The following VWA3B variants were observed in gnomAD, a reference collection of about 807,000 sequenced individuals.
VWA3B encodes von Willebrand factor A domain containing 3B, also known as von Willebrand factor A domain-containing protein 3B.
In VWA3B, 138 loss-of-function variants were observed where a neutral mutation model predicts 158.3. The observed-to-expected ratio is 0.87, with a 90% confidence interval of 0.76 to 1.00. The LOEUF is 1.00. Ranked by LOEUF, VWA3B falls within the 50% of genes least tolerant of loss-of-function variation. The probability of loss-of-function intolerance (pLI) is 0.00; values close to 1 mark genes in which losing one functional copy is unlikely to be tolerated. For missense variants in VWA3B, 1,555 were observed against 1,565.1 expected, an observed-to-expected ratio of 0.99 and a Z score of 0.11; for synonymous variants, 596 against 587.3, an observed-to-expected ratio of 1.01 and a Z score of -0.21.
At chr2:98,185,013 A>G (rs1409545630) in intron 9 of VWA3B, among the ~76,000 whole-genome samples, 1 of 152,128 alleles carries the variant, frequency 6.6e-6, no homozygotes, top group Non-Finnish European at 1.5e-5. Flanking sequence ...GACCCTTCCA[A>G]TACCCCAACC....
At chr2:98,262,095 C>G (rs942307227) in intron 21 of VWA3B, among the ~76,000 whole-genome samples, 1 of 151,682 alleles carries the variant, frequency 6.6e-6, no homozygotes, top group Non-Finnish European at 1.5e-5. Flanking sequence ...AATGTCTAGT[C>G]AAGCCCTTTA....
chr2:98,178,656 C>T (rs921435996), intron 8 of VWA3B, among the ~76,000 whole-genome samples: 1 of 152,208 alleles, frequency 6.6e-6, no homozygotes, highest in African/African-American at 2.4e-5. Context: ...GCCCTTTCCA[C>T]CTTAAGCCAG....
intron 1 of VWA3B, among the ~76,000 whole-genome samples, chr2:98,088,191 A>T (rs1682004393): frequency 6.6e-6 from 1 of 152,190 alleles, no homozygotes; most frequent in Non-Finnish European, 1.5e-5. Flanking sequence ...ATTCACCTAA[A>T]TCACAAGATA....
chr2:98,109,166 AT>A (rs1673933872), intron 2 of VWA3B, among the ~76,000 whole-genome samples: 1 of 151,618 alleles, frequency 6.6e-6, no homozygotes, highest in Admixed American at 6.6e-5. Flanking sequence ...CTAATTTTGT[AT>A]TTTTAGTAAA....
At chr2:98,182,832 C>T (rs896522805) in intron 9 of VWA3B, among the ~76,000 whole-genome samples, 5 of 152,106 alleles carry the variant, frequency 3.3e-5, no homozygotes, top group Admixed American at 2.0e-4. Context: ...AGGCAGAACC[C>T]GAGAGGTGGA....
Position 98,236,670 on chromosome 2 carries a change from G to T in VWA3B, c.2613G>T (p.Pro871=), listed in dbSNP as rs377277436. The T allele has an allele frequency of 2.5e-6, 4 of 1,614,072 alleles. No individual in the cohort carries two copies. The highest frequency in any genetic ancestry group is 3.4e-6 in the Non-Finnish European group (4 of 1,180,048). The part of the protein sequence containing the change: ...LMDALSVAAV[P]HSSTYVPVLD... ...ATGCCTTGTCAGTGGCAGCAGTCCC[G>T]CACAGCTCCACCTATGTTCCCGTCC... Residue 871 remains proline, a synonymous_variant, in exon 19 of 28, where the codon CCG becomes CCT. Coordinates refer to ENST00000477737, the MANE Select transcript of VWA3B (RefSeq NM_144992.5).
chr2:98,324,146 A>G, the VWA3B span, among the ~76,000 whole-genome samples: 9 of 152,120 alleles, frequency 5.9e-5, no homozygotes, highest in East Asian at 1.2e-3. Context: ...TTTGTGCATA[A>G]ACTTGGCCCA....
chr2:98,129,370 G>A (rs1429121253), intron 6 of VWA3B, among the ~76,000 whole-genome samples: 1 of 151,884 alleles, frequency 6.6e-6, no homozygotes, highest in Non-Finnish European at 1.5e-5. Flanking sequence ...GAGACAGAGA[G>A]ACAGAGAGTG....
At chr2:98,238,001 A>G (rs1032121617) in intron 19 of VWA3B, among the ~76,000 whole-genome samples, 3 of 152,206 alleles carry the variant, frequency 2.0e-5, no homozygotes, top group Non-Finnish European at 2.9e-5. Flanking sequence ...GAAATTTTCC[A>G]TAAAAAGAAG....
rs948268568 is a variant in VWA3B, at chr2:98,312,321, G to A, written c.3857G>A (p.Gly1286Glu). 6.2e-7 allele frequency: 1 copy of A among 1,613,654 alleles called. No homozygotes were observed. Among genetic ancestry groups the A allele is most frequent in the South Asian group, 1.1e-5 (1 of 91,048 alleles). Residue 1286 changes from glycine to glutamate, a missense_variant, in exon 28 of 28, where the codon GGG (glycine) becomes GAG (glutamate). Coordinates refer to ENST00000477737, the MANE Select transcript of VWA3B (RefSeq NM_144992.5). ...CTCCAAGCCACCCACAGCAGCAAAG[G>A]GCTGAGGAGCGTCCCTGAGACACTT... ...CTLQATHSSK[G>E]LRSVPETL
chr2:98,306,203 A>G (rs1033287977), intron 26 of VWA3B, among the ~76,000 whole-genome samples: 13 of 151,246 alleles, frequency 8.6e-5, no homozygotes, highest in African/African-American at 3.2e-4. Context: ...TAGCCCCCCC[A>G]GGTAGTGAGG....
At chr2:98,195,607 G>A (rs1001093611) in intron 12 of VWA3B, among the ~76,000 whole-genome samples, 2 of 151,000 alleles carry the variant, frequency 1.3e-5, no homozygotes, top group African/African-American at 4.9e-5. Flanking sequence ...GTCCTTTTAT[G>A]ACACAATAAT....
intron 24 of VWA3B, among the ~76,000 whole-genome samples, chr2:98,299,835 T>C (rs905972766): frequency 5.3e-5 from 8 of 152,218 alleles, no homozygotes; most frequent in East Asian, 1.9e-4. Context: ...GGCAGACCCT[T>C]GGGTCCTTGT....
chr2:98,213,836 T>TA (rs1220234082), intron 13 of VWA3B, among the ~76,000 whole-genome samples: 2 of 152,156 alleles, frequency 1.3e-5, no homozygotes, highest in African/African-American at 4.8e-5. Context: ...AATATACTCT[T>TA]ACTGATTTTT....
At chr2:98,218,826 A>G (rs80146695) in intron 14 of VWA3B, among the ~76,000 whole-genome samples, 7,197 of 152,292 alleles carry the variant, frequency 0.047, 256 homozygotes, top group Middle Eastern at 0.082. Context: ...CATCCAAAAA[A>G]CATTGGAGGG....
chr2:98,196,664 C>T (rs1440953636), intron 12 of VWA3B, among the ~76,000 whole-genome samples: 5 of 152,228 alleles, frequency 3.3e-5, no homozygotes, highest in Middle Eastern at 3.4e-3. Context: ...CATGTTTCCC[C>T]GGGCTCTCTC....
intron 2 of VWA3B, among the ~76,000 whole-genome samples, chr2:98,098,446 CCT>C (rs777006865): frequency 2.6e-4 from 39 of 151,758 alleles, no homozygotes; most frequent in Non-Finnish European, 4.6e-4. Flanking sequence ...TGAATTGACC[CCT>C]TTTTGATTAT....
intron 9 of VWA3B, among the ~76,000 whole-genome samples, chr2:98,186,499 T>TC (rs1681070864): frequency 6.6e-6 from 1 of 152,116 alleles, no homozygotes; most frequent in Non-Finnish European, 1.5e-5. Context: ...TCTCGATCTT[T>TC]CCCATTCAAA....
the VWA3B span, among the ~76,000 whole-genome samples, chr2:98,327,061 G>A: frequency 3.2e-4 from 48 of 151,694 alleles, no homozygotes; most frequent in Admixed American, 2.0e-3. Context: ...TTGGGAAGCC[G>A]AGCCAGGCAG....
Sources: gnomAD v4.1 joint callset for allele counts (sites outside exome capture counted in the v4.1 genomes callset) on GRCh38, gnomAD v4.1.1 for gene constraint, MANE v1.5 for transcripts, NCBI Gene and HGNC (gene_info 2026-07-23, HGNC 2026-07-21) for gene names.